The following AFAP1 variants were observed in gnomAD, a reference collection of about 807,000 sequenced individuals.
AFAP1 encodes actin filament-associated protein 1.
Under a neutral mutation model 93.9 loss-of-function variants are expected in AFAP1, and 75 were observed. The observed-to-expected ratio is 0.80, with a 90% CI of 0.66 to 0.97. The LOEUF is 0.97. Among genes scored for constraint, AFAP1 ranks in the 50% least tolerant of loss-of-function variants. The pLI is 0.00. For missense variants in AFAP1, 1,201 were observed against 1,050.8 expected (o/e 1.14, Z -1.98); for synonymous variants, 517 against 430.7 (o/e 1.20, Z -2.48).
At chr4:7,923,677 G>A (rs541141503) in intron 1 of AFAP1, among the ~76,000 whole-genome samples, 14 of 152,234 alleles carry the variant, frequency 9.2e-5, no homozygotes, top group African/African-American at 2.9e-4. Flanking sequence ...CAGGGTTTCA[G>A]GATGGTCTCA....
intron 4 of AFAP1, among the ~76,000 whole-genome samples, chr4:7,853,024 C>T (rs1448565275): frequency 6.6e-6 from 1 of 152,124 alleles, no homozygotes; most frequent in Non-Finnish European, 1.5e-5. Flanking sequence ...GTGCGCTGCT[C>T]GTCTCTACTT....
At chr4:7,929,191 C>G (rs529364491) in intron 1 of AFAP1, among the ~76,000 whole-genome samples, 1 of 152,232 alleles carries the variant, frequency 6.6e-6, no homozygotes, top group African/African-American at 2.4e-5. Flanking sequence ...TTTCTTTGTC[C>G]TCTCCACATA....
At chr4:7,832,936 A>G (rs572711254) in intron 6 of AFAP1, among the ~76,000 whole-genome samples, 1 of 152,314 alleles carries the variant, frequency 6.6e-6, no homozygotes, top group East Asian at 1.9e-4. Flanking sequence ...GTGCTGGGAT[A>G]ATTGGCTAGC....
At chr4:7,925,022 T>G (rs576683330) in intron 1 of AFAP1, among the ~76,000 whole-genome samples, 2 of 152,096 alleles carry the variant, frequency 1.3e-5, no homozygotes, top group East Asian at 1.9e-4. Context: ...TTTTCCATCC[T>G]GAAGCTTCCC....
chr4:7,879,211 G>A (rs1461981764), intron 1 of AFAP1, among the ~76,000 whole-genome samples: 1 of 152,062 alleles, frequency 6.6e-6, no homozygotes, highest in African/African-American at 2.4e-5. Context: ...CTGGCCAGAG[G>A]GTTCTGCACA....
chr4:7,936,391 T>A (rs1290250475), intron 1 of AFAP1, among the ~76,000 whole-genome samples: 1 of 150,794 alleles, frequency 6.6e-6, no homozygotes, highest in Non-Finnish European at 1.5e-5. Context: ...AGTAGCATGA[T>A]TATAGCTCAC....
intron 1 of AFAP1, among the ~76,000 whole-genome samples, chr4:7,880,144 A>G (rs1717758002): frequency 6.6e-6 from 1 of 152,172 alleles, no homozygotes; most frequent in South Asian, 2.1e-4. Flanking sequence ...CAGTGAGTTC[A>G]TTTATTTCAA....
rs185088475 is a variant in AFAP1 at position 7,898,432 on chromosome 4, C to A, written c.-2-26352G>T. On this transcript the variant is annotated intron_variant, in intron 1 of 17. Transcript: ENST00000420658. ...TCAGAAGGGGAAAAAAAAAGCCTCC[C>A]AACCCACCTCTCTCCTTCCGCCTTT... Among the ~76,000 whole-genome samples, 253 of 151,756 alleles carry A rather than the reference C, an allele frequency of 1.7e-3. 3 individuals carry two copies. The highest frequency in any genetic ancestry group is 1.4e-3 in the Non-Finnish European group (98 of 67,848).
intron 16 of AFAP1, among the ~76,000 whole-genome samples, chr4:7,770,047 G>A (rs756689766): frequency 5.9e-5 from 9 of 152,232 alleles, no homozygotes; most frequent in Admixed American, 1.3e-4. Flanking sequence ...CCACTCTCCC[G>A]AGGACGGCCT....
chr4:7,866,985 G>C (rs945619037), intron 3 of AFAP1, among the ~76,000 whole-genome samples: 7 of 151,102 alleles, frequency 4.6e-5, no homozygotes, highest in Admixed American at 1.3e-4. Context: ...GCTGTAGTGA[G>C]CTATGAATGT....
chr4:7,826,997 G>A (rs1392412227), intron 6 of AFAP1, among the ~76,000 whole-genome samples: 1 of 152,116 alleles, frequency 6.6e-6, no homozygotes, highest in African/African-American at 2.4e-5. Flanking sequence ...CTCATGAAAA[G>A]GCAGGCGACA....
At position 7,868,694 on chromosome 4, in the gene AFAP1, C is replaced by G. The variant is rs754712189; in HGVS notation, c.153G>C (p.Gln51His). 1.2e-6 allele frequency: 2 copies of G among 1,613,574 alleles called. No individual in the cohort carries two copies. The highest frequency in any genetic ancestry group is 8.5e-7 in the Non-Finnish European group (1 of 1,179,960). Residue 51 changes from glutamine to histidine, a missense_variant, in exon 3 of 18, where the codon CAG becomes CAC. Gln to His is a conservative substitution (Grantham distance 24). Coordinates refer to ENST00000420658, the MANE Select transcript of AFAP1 (RefSeq NM_001134647.2). ...GCAGGCTGTTAGCGGTCTCCTGCTT[C>G]TGAGCATGGTCCTTCACATCAAAAC... is the stretch of plus-strand genomic sequence containing the variant. ...SKGFDVKDHA[Q>H]KQETANSLPA...
intron 1 of AFAP1, among the ~76,000 whole-genome samples, chr4:7,878,518 G>C (rs796603543): frequency 1.9e-4 from 29 of 152,316 alleles, no homozygotes; most frequent in African/African-American, 7.0e-4. Context: ...AACAACAGGT[G>C]CCCTTGTTTT....
chr4:7,855,217 CACAGCAATAAGCTTTCACT>C (rs1385888192), intron 4 of AFAP1, among the ~76,000 whole-genome samples: 2 of 152,224 alleles, frequency 1.3e-5, no homozygotes, highest in East Asian at 3.8e-4. Context: ...TACCTGTTGC[CACAGCAATAAGCTTTCACT>C]ACCTCTGAGT....
intron 12 of AFAP1, among the ~76,000 whole-genome samples, chr4:7,783,740 G>A (rs1355087728): frequency 6.6e-6 from 1 of 152,350 alleles, no homozygotes; most frequent in East Asian, 1.9e-4. Context: ...AAAACGGGCT[G>A]GGTGGAGCTG....
At chr4:7,848,248 A>C (rs1577290458) in intron 4 of AFAP1, among the ~76,000 whole-genome samples, 1 of 107,638 alleles carries the variant, frequency 9.3e-6, no homozygotes, top group African/African-American at 3.5e-5. Flanking sequence ...GGAGGAAGGG[A>C]GGGAGGGAAG....
intron 1 of AFAP1, among the ~76,000 whole-genome samples, chr4:7,932,984 C>T (rs1182035989): frequency 7.3e-6 from 1 of 136,098 alleles, no homozygotes; most frequent in African/African-American, 2.8e-5. Flanking sequence ...CGCGCCACTG[C>T]ACTCCAGCCT....
chr4:7,807,932 G>A (rs893788457), intron 9 of AFAP1, among the ~76,000 whole-genome samples: 1 of 152,188 alleles, frequency 6.6e-6, no homozygotes, highest in Non-Finnish European at 1.5e-5. Flanking sequence ...AGCCCACACC[G>A]CTGGGACGTG....
chr4:7,767,785 G>A (rs1459303390), intron 17 of AFAP1, among the ~76,000 whole-genome samples: 1 of 152,174 alleles, frequency 6.6e-6, no homozygotes, highest in Non-Finnish European at 1.5e-5. Context: ...TCCAAAAGCT[G>A]CAAAGAATGC....
Sources: allele counts gnomAD v4.1 joint callset (sites outside exome capture counted in the v4.1 genomes callset), GRCh38; gene constraint gnomAD v4.1.1; transcripts MANE v1.5; gene names NCBI Gene and HGNC (gene_info 2026-07-23, HGNC 2026-07-21).